PTPRD: variants seen among roughly 807,000 people sequenced by gnomAD.
PTPRD encodes the protein protein tyrosine phosphatase receptor type D, also known as receptor-type tyrosine-protein phosphatase delta.
A neutral mutation model predicts 214.5 loss-of-function variants in PTPRD; 34 were observed. The observed-to-expected ratio is 0.16, with a 90% CI of 0.12 to 0.21. The LOEUF (loss-of-function observed/expected upper bound fraction) is 0.21. PTPRD is among the 10% of genes least tolerant of loss of function. The probability of loss-of-function intolerance (pLI) is 1.00; values close to 1 mark genes in which losing one functional copy is unlikely to be tolerated. For synonymous variants in PTPRD, 1,128 were observed against 845.7 expected (o/e 1.33, Z -5.79); for missense variants, 2,545 against 2,398.7 (o/e 1.06, Z -1.27).
At chr9:10,221,554 G>A (rs746971681) in intron 3 of PTPRD, among the ~76,000 whole-genome samples, 1 of 151,928 alleles carries the variant, frequency 6.6e-6, no homozygotes, top group African/African-American at 2.4e-5. Context: ...ATTCCTTAGA[G>A]TCCCTGAGCC....
chr9:9,423,798 T>A (rs763666863), intron 8 of PTPRD, among the ~76,000 whole-genome samples: 1 of 152,132 alleles, frequency 6.6e-6, no homozygotes, highest in Non-Finnish European at 1.5e-5. Flanking sequence ...AATTGGTGAT[T>A]TGAAACATAA....
intron 9 of PTPRD, among the ~76,000 whole-genome samples, chr9:9,195,379 G>A (rs1260667181): frequency 6.6e-6 from 1 of 152,034 alleles, no homozygotes; most frequent in Non-Finnish European, 1.5e-5. Flanking sequence ...CATGCTTTGG[G>A]TGATAGAAAC....
chr9:8,560,744 C>T (rs570308403), intron 14 of PTPRD, among the ~76,000 whole-genome samples: 5 of 152,196 alleles, frequency 3.3e-5, no homozygotes, highest in Admixed American at 6.5e-5. Flanking sequence ...AATGATCATG[C>T]TGTGCCTGTA....
intron 8 of PTPRD, among the ~76,000 whole-genome samples, chr9:9,520,289 A>T (rs1388086694): frequency 1.4e-5 from 2 of 147,484 alleles, no homozygotes; most frequent in East Asian, 3.9e-4. Flanking sequence ...ATATTAAGTT[A>T]TATATATATA....
intron 2 of PTPRD, among the ~76,000 whole-genome samples, chr9:10,511,301 G>C (rs1025329565): frequency 2.0e-5 from 3 of 152,114 alleles, no homozygotes; most frequent in African/African-American, 4.8e-5. Context: ...GGATTGCCAG[G>C]TCAGAAGATA....
In PTPRD at chr9:8,321,501, A is replaced by G. The variant is rs1202910651; in HGVS notation, c.5535-1535T>C. ...TGTGTGTGTGTGTATATATATATATATATATATATATATATATATATATAT... is the reference window on the plus strand; with the variant it reads ...TGTGTGTGTGTGTATATATATATATGTATATATATATATATATATATATAT... On this transcript the variant is annotated intron_variant, in intron 44 of 45. Coordinates refer to ENST00000381196, the MANE Select transcript of PTPRD (RefSeq NM_002839.4). Among the ~76,000 whole-genome samples the G allele has an allele frequency of 1.1e-3, 93 of 86,402 alleles. 1 individual carries two copies. Among genetic ancestry groups the G allele is most frequent in the African/African-American group, 5.8e-3 (76 of 13,168 alleles). The allele number at this position is 86,402 out of a possible 152,430, so 56.7% of individuals were successfully genotyped here.
intron 31 of PTPRD, 23 bp downstream of exon 31, chr9:8,470,972 A>C: frequency 1.0e-5 from 16 of 1,566,516 alleles, no homozygotes; most frequent in Non-Finnish European, 1.3e-5. Context: ...AATAAAAGAC[A>C]TGGCCAACAA....
intron 3 of PTPRD, among the ~76,000 whole-genome samples, chr9:10,160,870 G>T (rs944522088): frequency 6.6e-6 from 1 of 151,896 alleles, no homozygotes; most frequent in African/African-American, 2.4e-5. Flanking sequence ...ATTCAGTACA[G>T]TTGGAAGATA....
At chr9:10,268,311 TAATAATAAC>T (rs1230319452) in intron 3 of PTPRD, among the ~76,000 whole-genome samples, 4 of 149,292 alleles carry the variant, frequency 2.7e-5, no homozygotes, top group Non-Finnish European at 4.4e-5. Context: ...ATAATAATAA[TAATAATAAC>T]GATAATAATA....
At chr9:8,830,603 G>C (rs528673056) in intron 11 of PTPRD, among the ~76,000 whole-genome samples, 1 of 152,140 alleles carries the variant, frequency 6.6e-6, no homozygotes, top group African/African-American at 2.4e-5. Flanking sequence ...ACTCCCCCCA[G>C]TGAGGAGTGT....
At chr9:10,580,880 T>C (rs140585315) in intron 2 of PTPRD, among the ~76,000 whole-genome samples, 37 of 152,284 alleles carry the variant, frequency 2.4e-4, no homozygotes, top group African/African-American at 6.7e-4. Context: ...AATCTTAATA[T>C]ATCATAGACT....
chr9:10,346,768 G>C (rs2097091570), intron 2 of PTPRD, among the ~76,000 whole-genome samples: 1 of 152,102 alleles, frequency 6.6e-6, no homozygotes, highest in Admixed American at 6.5e-5. Context: ...TGAAGTGAAT[G>C]GGTGGAAAAG....
At chr9:10,437,240 G>A (rs545641422) in intron 2 of PTPRD, among the ~76,000 whole-genome samples, 7 of 151,894 alleles carry the variant, frequency 4.6e-5, no homozygotes, top group African/African-American at 1.7e-4. Flanking sequence ...TCTTTTAACA[G>A]AAAGCACTAT....
intron 7 of PTPRD, among the ~76,000 whole-genome samples, chr9:9,720,572 C>T (rs543551956): frequency 6.6e-6 from 1 of 152,208 alleles, no homozygotes; most frequent in South Asian, 2.1e-4. Flanking sequence ...TGGGAATAAC[C>T]TGCCACCTCC....
intron 2 of PTPRD, among the ~76,000 whole-genome samples, chr9:10,372,340 T>G (rs575522021): frequency 6.6e-6 from 1 of 152,184 alleles, no homozygotes; most frequent in South Asian, 2.1e-4. Context: ...GTTGTAAAAG[T>G]GCCACATGCC....
chr9:8,567,669 A>AGTAAATT (rs551424178), intron 14 of PTPRD, among the ~76,000 whole-genome samples: 84 of 152,352 alleles, frequency 5.5e-4, no homozygotes, highest in African/African-American at 2.0e-3. Flanking sequence ...CTTTGAGCTC[A>AGTAAATT]GTAAATTCAG....
chr9:8,699,169 G>A (rs1041959240), intron 12 of PTPRD, among the ~76,000 whole-genome samples: 6 of 152,170 alleles, frequency 3.9e-5, no homozygotes, highest in Admixed American at 3.3e-4. Context: ...AAATTCCGAT[G>A]AAGTGTATAA....
chr9:10,098,169 A>T (rs60521908), intron 3 of PTPRD, among the ~76,000 whole-genome samples: 154 of 151,948 alleles, frequency 1.0e-3, no homozygotes, highest in African/African-American at 3.5e-3. Flanking sequence ...AGCCATAAAA[A>T]ATGATGAGTT....
At position 10,440,852 on chromosome 9, in the gene PTPRD, T is replaced by C. The variant is rs1450822034; in HGVS notation, c.-599-99835A>G. ...ACTAATCTCCATGGCAATGAATTGTTCTAAATTACTAATTTATAAGTAGAA... is the reference window on the plus strand; with the variant it reads ...ACTAATCTCCATGGCAATGAATTGTCCTAAATTACTAATTTATAAGTAGAA... On this transcript the variant is annotated intron_variant, in intron 2 of 45. Coordinates refer to ENST00000381196, the MANE Select transcript of PTPRD (RefSeq NM_002839.4). Among the ~76,000 whole-genome samples, 4 of 151,890 alleles carry C rather than the reference T, an allele frequency of 2.6e-5. No homozygotes were observed. The East Asian group carries it at 7.8e-4, about 29-fold the overall frequency.
Sources: gnomAD v4.1 joint callset for allele counts (sites outside exome capture counted in the v4.1 genomes callset) on GRCh38, gnomAD v4.1.1 for gene constraint, MANE v1.5 for transcripts, NCBI Gene and HGNC (gene_info 2026-07-23, HGNC 2026-07-21) for gene names.